Variants in CAMK2D observed in about 807,000 individuals in gnomAD.
CAMK2D encodes calcium/calmodulin dependent protein kinase II delta.
CAMK2D carries 37 observed loss-of-function variants against 84.0 expected under a neutral mutation model. The ratio of observed to expected loss-of-function variants is 0.44; its 90% CI spans 0.34 to 0.58. The LOEUF (loss-of-function observed/expected upper bound fraction) is 0.58. CAMK2D is among the 20% of genes least tolerant of loss of function. CAMK2D has a pLI of 0.02. For synonymous variants in CAMK2D, 202 were observed against 212.5 expected, an observed-to-expected ratio of 0.95 and a Z score of 0.43; for missense variants, 448 against 652.5, an observed-to-expected ratio of 0.69 and a Z score of 3.41.
At chr4:113,577,979 C>T (rs1363022559) in intron 4 of CAMK2D, among the ~76,000 whole-genome samples, 2 of 152,126 alleles carry the variant, frequency 1.3e-5, no homozygotes, top group East Asian at 3.9e-4. Flanking sequence ...CACAGTCCTA[C>T]CATCCTTCTA....
At chr4:113,696,408 T>C (rs1298772659) in intron 2 of CAMK2D, among the ~76,000 whole-genome samples, 1 of 152,064 alleles carries the variant, frequency 6.6e-6, no homozygotes, top group African/African-American at 2.4e-5. Context: ...CTAACACATA[T>C]AACAATCAAT....
chr4:113,728,019 G>A (rs1357150097), intron 2 of CAMK2D, among the ~76,000 whole-genome samples: 1 of 152,056 alleles, frequency 6.6e-6, no homozygotes, highest in Non-Finnish European at 1.5e-5. Flanking sequence ...ACCAAATGCT[G>A]GTATGATATA....
At chr4:113,459,638 C>CTTT (rs35827287) in intron 18 of CAMK2D, among the ~76,000 whole-genome samples, 5 of 133,416 alleles carry the variant, frequency 3.7e-5, no homozygotes, top group East Asian at 2.2e-4. Flanking sequence ...ATCAACATTA[C>CTTT]TTTTTTTTTT....
chr4:113,476,230 T>G (rs560211313), intron 16 of CAMK2D, among the ~76,000 whole-genome samples: 97 of 152,288 alleles, frequency 6.4e-4, no homozygotes, highest in South Asian at 3.7e-3. Context: ...GTCAGACCAT[T>G]GGACTGAAAA....
intron 2 of CAMK2D, among the ~76,000 whole-genome samples, chr4:113,742,820 G>C (rs2099596035): frequency 6.6e-6 from 1 of 152,098 alleles, no homozygotes; most frequent in Admixed American, 6.5e-5. Flanking sequence ...ATGACATCCA[G>C]GATGAACCAA....
intron 13 of CAMK2D, chr4:113,508,337 G>A: frequency 9.0e-7 from 1 of 1,115,716 alleles, no homozygotes; most frequent in Non-Finnish European, 1.3e-6. Context: ...GAGTATCAAA[G>A]CATGGAGTAT....
Position 113,503,593 on chromosome 4 carries a change from C to T in CAMK2D, c.1045-616G>A, listed in dbSNP as rs191490565. 2.0e-5 allele frequency among the ~76,000 whole-genome samples: 3 copies of T among 152,252 alleles called. No individual in the cohort carries two copies. The South Asian group carries it at 6.2e-4, about 32-fold the overall frequency. The stretch of plus-strand genomic sequence containing the variant: ...CTAATCATGAACTAGAACTAATCTA[C>T]TAATCTAGAACTAATCATGTAATCA... On this transcript the variant is annotated intron_variant, in intron 14 of 20. Transcript: ENST00000511664.
intron 16 of CAMK2D, among the ~76,000 whole-genome samples, chr4:113,468,715 C>T (rs1398171077): frequency 1.3e-5 from 2 of 152,126 alleles, no homozygotes; most frequent in Non-Finnish European, 2.9e-5. Flanking sequence ...CTCATCTGGC[C>T]TTCCCTCTTC....
At chr4:113,727,582 A>T (rs1051299386) in intron 2 of CAMK2D, among the ~76,000 whole-genome samples, 4 of 152,216 alleles carry the variant, frequency 2.6e-5, no homozygotes, top group Non-Finnish European at 2.9e-5. Flanking sequence ...AGAAAACACA[A>T]GAGGAAATTC....
At chr4:113,701,081 T>G (rs935270930) in intron 2 of CAMK2D, among the ~76,000 whole-genome samples, 1 of 152,190 alleles carries the variant, frequency 6.6e-6, no homozygotes, top group African/African-American at 2.4e-5. Context: ...TTTAACAGTT[T>G]CTGTTCCCTA....
intron 16 of CAMK2D, among the ~76,000 whole-genome samples, chr4:113,467,658 A>G (rs2097491318): frequency 6.6e-6 from 1 of 152,226 alleles, no homozygotes; most frequent in African/African-American, 2.4e-5. Flanking sequence ...CATTTGATTG[A>G]TGAATATCAA....
intron 4 of CAMK2D, among the ~76,000 whole-genome samples, chr4:113,606,024 C>A (rs1018445927): frequency 1.3e-5 from 2 of 151,876 alleles, no homozygotes; most frequent in African/African-American, 4.8e-5. Context: ...TTATCTGATA[C>A]GGATTTTTAA....
intron 16 of CAMK2D, among the ~76,000 whole-genome samples, chr4:113,477,816 T>C (rs920404473): frequency 6.6e-6 from 1 of 151,738 alleles, no homozygotes; most frequent in Non-Finnish European, 1.5e-5. Flanking sequence ...GTTTAACCAA[T>C]GCAACTGCAG....
intron 2 of CAMK2D, among the ~76,000 whole-genome samples, chr4:113,746,098 C>A (rs942277469): frequency 3.3e-5 from 5 of 152,132 alleles, no homozygotes; most frequent in Admixed American, 2.6e-4. Flanking sequence ...ATTTCTCATG[C>A]CCTTTGCCTC....
intron 2 of CAMK2D, among the ~76,000 whole-genome samples, chr4:113,678,817 T>C (rs988092208): frequency 1.3e-5 from 2 of 152,102 alleles, no homozygotes; most frequent in Non-Finnish European, 2.9e-5. Context: ...TATTTAAGTA[T>C]AAAATACAAA....
intron 4 of CAMK2D, among the ~76,000 whole-genome samples, chr4:113,585,584 G>C (rs1229699574): frequency 6.6e-6 from 1 of 152,006 alleles, no homozygotes; most frequent in African/African-American, 2.4e-5. Flanking sequence ...GGAAAACTCA[G>C]TTTCTCTGAT....
At chr4:113,750,991 G>A (rs867643869) in intron 2 of CAMK2D, among the ~76,000 whole-genome samples, 6 of 152,172 alleles carry the variant, frequency 3.9e-5, no homozygotes, top group Admixed American at 6.5e-5. Flanking sequence ...ATGCACTAGA[G>A]CCTGGGTAAC....
intron 8 of CAMK2D, among the ~76,000 whole-genome samples, chr4:113,517,891 A>T (rs2098306271): frequency 6.6e-6 from 1 of 152,150 alleles, no homozygotes; most frequent in Admixed American, 6.6e-5. Context: ...TGCATCAAAG[A>T]ATTCTAAAGA....
Position 113,679,297 on chromosome 4 carries a change from G to A in CAMK2D, c.161-17525C>T, listed in dbSNP as rs1009399973. ...TCTGTGACCACAACATAAATAAACA[G>A]TGTGCAAAGTCAAAAGTAGCTTAGG... On this transcript the variant is annotated intron_variant, in intron 2 of 20. Transcript: ENST00000511664. The A allele has an allele frequency of 4.3e-5, 7 of 163,754 alleles. No homozygotes were observed. In the Admixed American group the frequency reaches 4.6e-4, roughly 11 times the overall value. 10.1% of individuals were successfully genotyped at this position (163,754 alleles called of 1,614,324 possible). A position where few individuals can be genotyped will look rare whatever the true frequency, so the allele number is the denominator to read the frequency against.
Sources: allele counts gnomAD v4.1 joint callset (sites outside exome capture counted in the v4.1 genomes callset), GRCh38; gene constraint gnomAD v4.1.1; transcripts MANE v1.5; gene names NCBI Gene and HGNC (gene_info 2026-07-23, HGNC 2026-07-21).